Variants in SPOCD1 observed in about 807,000 individuals in gnomAD.
The protein encoded by SPOCD1 is SPOC domain containing 1.
In SPOCD1, 64 loss-of-function variants were observed where a neutral mutation model predicts 92.2. The ratio of observed to expected loss-of-function variants is 0.69; its 90% CI spans 0.57 to 0.86. The LOEUF is 0.86. SPOCD1 is among the 40% of genes least tolerant of loss of function. SPOCD1 has a pLI of 0.00. For synonymous variants in SPOCD1, 578 were observed against 619.3 expected, an observed-to-expected ratio of 0.93 and a Z score of 0.99; for missense variants, 1,360 against 1,543.1, an observed-to-expected ratio of 0.88 and a Z score of 1.99.
Position 31,792,241 on chromosome 1 carries a change from G to C in SPOCD1, c.2936C>G (p.Thr979Ser), listed in dbSNP as rs1647648173. The C allele has an allele frequency of 6.2e-7, 1 of 1,610,580 alleles. No individual in the cohort carries two copies. Among genetic ancestry groups the C allele is most frequent in the Non-Finnish European group, 8.5e-7 (1 of 1,178,524 alleles). Residue 979 changes from threonine (T) to serine (S), a missense_variant, in exon 15 of 16, where the codon ACC becomes AGC. This residue lies in a region of SPOCD1 where 614 missense variants were observed against 757.8 expected (regional missense o/e 0.81). Transcript: ENST00000360482. ...LPLPAFQPLP[T>S]RLRPLGGPGL... ...TGGGCCCCCCAAAGGGCGCAGCCTG[G>C]TGGGCAGGGGCTGGAAGGCAGGCAG...
chr1:31,793,776 C>T lies in SPOCD1; in HGVS notation c.2505G>A (p.Arg835=). The T allele has an allele frequency of 6.2e-7, 1 of 1,614,214 alleles. No homozygotes were observed. Among genetic ancestry groups the T allele is most frequent in the Non-Finnish European group, 8.5e-7 (1 of 1,180,036 alleles). Residue 835 remains arginine (R), a synonymous_variant, in exon 12 of 16, where the codon AGG becomes AGA. Transcript: ENST00000360482. ...PMPAPEMPKT[R]ELSPTEPQDR... is the part of the protein sequence containing the mutation. ...CCTGTGGTTCCGTGGGAGACAACTCCCTGGTTTTGGGCATCTCTGGAGCAG... is the reference window on the plus strand; with the variant it reads ...CCTGTGGTTCCGTGGGAGACAACTCTCTGGTTTTGGGCATCTCTGGAGCAG...
chr1:31,813,803 G>A (rs1266381021), intron 2 of SPOCD1, 148 bp downstream of exon 2: 2 of 634,504 alleles, frequency 3.2e-6, no homozygotes, highest in Non-Finnish European at 4.9e-6. Flanking sequence ...CAGTTTGTGG[G>A]CCTCATTTTA....
chr1:31,801,643 T>C, intron 3 of SPOCD1, 21 bp downstream of exon 3: 1 of 1,611,368 alleles, frequency 6.2e-7, no homozygotes. Context: ...AGAAAAGCAA[T>C]AATAAAATGT....
In SPOCD1 at chr1:31,792,537, T is replaced by C. The variant is rs1647676450; in HGVS notation, c.2776-136A>G. 3.4e-6 allele frequency: 4 copies of C among 1,173,322 alleles called. No individual in the cohort carries two copies. The Admixed American group carries it at 7.0e-5, about 21-fold the overall frequency. The allele number at this position is 1,173,322 out of a possible 1,614,324, so 72.7% of individuals were successfully genotyped here. A position where few individuals can be genotyped will look rare whatever the true frequency, so the allele number is the denominator to read the frequency against. On this transcript the variant is annotated intron_variant, in intron 14 of 15. Coordinates refer to ENST00000360482, the MANE Select transcript of SPOCD1 (RefSeq NM_144569.7). The stretch of plus-strand genomic sequence containing the variant: ...TTCCAGAGGAGGAAACAGAGGGACC[T>C]GTCCAGGGTCACACAGTGAGTCTGC...
chr1:31,801,737 T>C (rs1182763779), intron 2 of SPOCD1, 32 bp from the exon 3 acceptor site: 1 of 1,593,900 alleles, frequency 6.3e-7, no homozygotes, highest in Non-Finnish European at 8.6e-7. Context: ...GAGATTAGAA[T>C]CCAGAGGACC....
In SPOCD1 at chr1:31,815,381, A is replaced by C; in HGVS notation, c.-39-9T>G. 1 of 1,495,670 alleles carries C rather than the reference A, an allele frequency of 6.7e-7. No homozygotes were observed. The highest frequency in any genetic ancestry group is 8.9e-7 in the Non-Finnish European group (1 of 1,120,406). The allele number at this position is 1,495,670 out of a possible 1,614,324, so 92.6% of individuals were successfully genotyped here. On this transcript the variant is annotated splice_polypyrimidine_tract_variant and intron_variant, in intron 1 of 15. Transcript: ENST00000360482. ...AAAGCACAACACGGGCCCTGTGTGGAGACAGAAAGAGGAGACTTTGTCTTG... is the reference window on the plus strand; with the variant it reads ...AAAGCACAACACGGGCCCTGTGTGGCGACAGAAAGAGGAGACTTTGTCTTG...
intron 14 of SPOCD1, 56 bp downstream of exon 14, chr1:31,792,622 G>A: frequency 7.2e-7 from 1 of 1,395,478 alleles, no homozygotes. Context: ...GAAGTGGAGA[G>A]GGAGGTGGGA....
At position 31,791,028 on chromosome 1, in the gene SPOCD1, C is replaced by T. The variant is rs1557812825; in HGVS notation, c.3226G>A (p.Gly1076Ser). The T allele has an allele frequency of 1.9e-6, 3 of 1,611,454 alleles. No homozygotes were observed. The highest frequency in any genetic ancestry group is 2.2e-5 in the East Asian group (1 of 44,858). ...GGAWQQSQGR[G>S]SIAPRGISAW... ...GAGATTCCCCTTGGAGCTATACTGCCCCTGCCCTGGCTCTGCTGCCAGGCA... is the reference window on the plus strand; with the variant it reads ...GAGATTCCCCTTGGAGCTATACTGCTCCTGCCCTGGCTCTGCTGCCAGGCA... Residue 1076 changes from glycine (G) to serine (S), a missense_variant, in exon 16 of 16, where the codon GGC becomes AGC. Physicochemically the swap from Gly to Ser is moderately conservative, Grantham distance 56. Around this residue, in one of 3 missense-constraint regions of SPOCD1, gnomAD observed 614 missense variants for 757.8 expected, o/e 0.81. Coordinates refer to ENST00000360482, the MANE Select transcript of SPOCD1 (RefSeq NM_144569.7).
At chr1:31,807,825 CCTTAAAGATAAGAGGCTATTGTGAAATA>C (rs1648935737) in intron 2 of SPOCD1, among the ~76,000 whole-genome samples, 1 of 152,028 alleles carries the variant, frequency 6.6e-6, no homozygotes, top group South Asian at 2.1e-4. Context: ...AGTGCGCAGT[CCTTAAAGATAAGAGGCTATTGTGAAATA>C]CTGTATGCCA....
In SPOCD1 at chr1:31,792,210, C is replaced by T. The variant is rs1164851773; in HGVS notation, c.2962+5G>A. ...CAGGGTCTGGTATGGGGACTAGGCA[C>T]TCACCTGGGCCCCCCAAAGGGCGCA... On this transcript the variant is annotated splice_donor_5th_base_variant and intron_variant, in intron 15 of 15. Coordinates refer to ENST00000360482, the MANE Select transcript of SPOCD1 (RefSeq NM_144569.7). 2 of 1,595,866 alleles carry T rather than the reference C, an allele frequency of 1.3e-6. No individual in the cohort carries two copies. Among genetic ancestry groups the T allele is most frequent in the Non-Finnish European group, 1.7e-6 (2 of 1,171,334 alleles).
At position 31,800,571 on chromosome 1, in the gene SPOCD1, C is replaced by G; in HGVS notation, c.1472G>C (p.Gly491Ala). The change falls in exon 4 of 16, where the codon GGC (glycine) becomes GCC (alanine). Residue 491 changes from glycine to alanine, a missense_variant. Physicochemically the swap from Gly to Ala is moderately conservative, Grantham distance 60 (BLOSUM62 0). This residue lies in a region of SPOCD1 where 606 missense variants were observed against 601.5 expected (regional missense o/e 1.01). Transcript: ENST00000360482. ...TGGTGGCAGCTGCCCCCCTGCCTGG[C>G]CGTGGCTGATGGCCCCCAGGAGCTG... ...VIQLLGAISH[G>A]QAGGQLPPKL... is the part of the protein sequence containing the mutation. 1 of 1,610,588 alleles carries G rather than the reference C, an allele frequency of 6.2e-7. No homozygotes were observed. Among genetic ancestry groups the G allele is most frequent in the Non-Finnish European group, 8.5e-7 (1 of 1,178,646 alleles).
intron 3 of SPOCD1, among the ~76,000 whole-genome samples, chr1:31,801,084 G>T (rs1648434919): frequency 6.6e-6 from 1 of 152,174 alleles, no homozygotes; most frequent in Non-Finnish European, 1.5e-5. Context: ...CCAAATGCAG[G>T]CATCTGTAAG....
chr1:31,793,918 A>G (rs372879742), intron 11 of SPOCD1, 21 bp from the exon 12 acceptor site: 6 of 1,600,836 alleles, frequency 3.7e-6, no homozygotes, highest in Non-Finnish European at 4.3e-6. Context: ...CAGAGGCAGG[A>G]GCTGAAACAG....
intron 2 of SPOCD1, 134 bp downstream of exon 2, chr1:31,813,817 A>G (rs1649356808): frequency 1.3e-6 from 1 of 745,942 alleles, no homozygotes; most frequent in Admixed American, 3.1e-5. Flanking sequence ...CATTTTACCC[A>G]GTTTAGTTAA....
chr1:31,815,013 C>T lies in SPOCD1; in HGVS notation c.321G>A (p.Val107=), dbSNP rs771369430. 2 of 1,613,826 alleles carry T rather than the reference C, an allele frequency of 1.2e-6. No homozygotes were observed. The highest frequency in any genetic ancestry group is 2.2e-5 in the South Asian group (2 of 91,084). The change falls in exon 2 of 16, where the codon GTG becomes GTA. Residue 107 remains valine, a synonymous_variant. Transcript: ENST00000360482. ...APGLHMQLPS[V]PTQGRALTSK... ...AGGTCAGAGCTCTCCCCTGAGTAGG[C>T]ACCGAGGGCAGCTGCATGTGGAGCC... is the stretch of plus-strand genomic sequence containing the variant.
intron 10 of SPOCD1, chr1:31,796,076 C>CGATTCATTAAGAA: frequency 4.7e-6 from 1 of 213,418 alleles, no homozygotes; most frequent in Non-Finnish European, 9.5e-6. Flanking sequence ...TCCTCAGCGC[C>CGATTCATTAAGAA]AAGAGCCCTA....
rs755115371 is a variant in SPOCD1 at position 31,798,286 on chromosome 1, G to C, written c.2066C>G (p.Pro689Arg). 1.2e-6 allele frequency: 2 copies of C among 1,614,000 alleles called. No homozygotes were observed. Among genetic ancestry groups the C allele is most frequent in the East Asian group, 2.2e-5 (1 of 44,858 alleles). The change falls in exon 9 of 16, where the codon CCC becomes CGC. Residue 689 changes from proline (P) to arginine (R), a missense_variant. Transcript: ENST00000360482. This position sits in a 1 kb window ranked among gnomAD's most constrained non-coding sequence, Gnocchi z 4.1. ...CGAGCTCATCCGCACCAGGTCGTAGGGGGTGACATCTCCATGAACCACTTT... is the reference window on the plus strand; with the variant it reads ...CGAGCTCATCCGCACCAGGTCGTAGCGGGTGACATCTCCATGAACCACTTT... Reference protein sequence around the residue: ...FLKVVHGDVTPYDLVRMSSMQ... With the variant: ...FLKVVHGDVTRYDLVRMSSMQ...
chr1:31,792,462 C>T (rs1229168912), intron 14 of SPOCD1, 61 bp from the exon 15 acceptor site: 1 of 1,548,820 alleles, frequency 6.5e-7, no homozygotes, highest in Admixed American at 1.9e-5. Flanking sequence ...GCCAACACCC[C>T]TGGGCTCCCT....
chr1:31,792,099 G>A, intron 15 of SPOCD1, 116 bp downstream of exon 15: 1 of 1,161,826 alleles, frequency 8.6e-7, no homozygotes, highest in Non-Finnish European at 1.2e-6. Context: ...TGCCTGGCTG[G>A]GTGAGGAGTT....
Sources: gnomAD v4.1 joint callset for allele counts (sites outside exome capture counted in the v4.1 genomes callset) on GRCh38, gnomAD v4.1.1 for gene constraint, gnomAD v4.1.1 regional missense constraint, Gnocchi (gnomAD v3.1) non-coding constraint, MANE v1.5 for transcripts, NCBI Gene and HGNC (gene_info 2026-07-23, HGNC 2026-07-21) for gene names.